Variants in FTCDNL1 observed in about 807,000 individuals in gnomAD.
FTCDNL1 encodes the protein formiminotransferase cyclodeaminase N-terminal like.
FTCDNL1 carries 11 observed loss-of-function variants against 5.9 expected under a neutral mutation model. The ratio of observed to expected loss-of-function variants is 1.87; its 90% CI spans 1.18 to 3.10. The LOEUF (loss-of-function observed/expected upper bound fraction) is 3.10. Among genes scored for constraint, FTCDNL1 ranks in the 30% most tolerant of loss-of-function variants. FTCDNL1 has a pLI of 0.00. For missense variants in FTCDNL1, 115 were observed against 65.5 expected (o/e 1.76, Z -2.61); for synonymous variants, 58 against 24.8 (o/e 2.34, Z -3.99).
At chr2:199,801,328 C>T (rs1216813134) in intron 3 of FTCDNL1, among the ~76,000 whole-genome samples, 2 of 152,174 alleles carry the variant, frequency 1.3e-5, no homozygotes, top group Non-Finnish European at 2.9e-5. Context: ...AGCCATATAA[C>T]TCACGGGGCC....
intron 4 of FTCDNL1, among the ~76,000 whole-genome samples, chr2:199,814,819 G>C (rs909876498): frequency 6.6e-6 from 1 of 152,270 alleles, no homozygotes; most frequent in Non-Finnish European, 1.5e-5. Context: ...ACCAGATAAA[G>C]TTTTGGTGTG....
the FTCDNL1 span, among the ~76,000 whole-genome samples, chr2:199,750,074 C>T: frequency 1.3e-5 from 2 of 151,584 alleles, no homozygotes; most frequent in Non-Finnish European, 2.9e-5. Flanking sequence ...AAAAAATAGG[C>T]TGAGTGCAGT....
chr2:199,754,112 A>G, the FTCDNL1 span, among the ~76,000 whole-genome samples: 1 of 152,184 alleles, frequency 6.6e-6, no homozygotes, highest in Non-Finnish European at 1.5e-5. Flanking sequence ...CGCAGCAGAG[A>G]CAGCAGAAGT....
chr2:199,686,622 G>T, the FTCDNL1 span, among the ~76,000 whole-genome samples: 1 of 152,252 alleles, frequency 6.6e-6, no homozygotes, highest in African/African-American at 2.4e-5. Flanking sequence ...CACTGCTAAA[G>T]TATGCTTTTG....
chr2:199,677,250 T>C, the FTCDNL1 span, among the ~76,000 whole-genome samples: 2 of 152,234 alleles, frequency 1.3e-5, no homozygotes, highest in Non-Finnish European at 2.9e-5. Context: ...GCTTTCACTT[T>C]GTGTTACAGA....
chr2:199,811,559 T>TA lies in FTCDNL1; in HGVS notation c.*1145dup, dbSNP rs1269001070. Among the ~76,000 whole-genome samples, 2 of 152,226 alleles carry TA rather than the reference T, an allele frequency of 1.3e-5. No individual in the cohort carries two copies. Among genetic ancestry groups the TA allele is most frequent in the East Asian group, 3.8e-4 (2 of 5,196 alleles). On this transcript the variant is annotated 3_prime_UTR_variant, in exon 5 of 5. Coordinates refer to ENST00000420128, the MANE Select transcript of FTCDNL1 (RefSeq NM_001363886.2). ...ACGCTTTGCTGTCCCATAGCTTTGA[T>TA]ATGCCCAGTCACATTCAGTTATTCA... is the stretch of plus-strand genomic sequence containing the variant.
chr2:199,799,394 T>A (rs1700331841), intron 3 of FTCDNL1, among the ~76,000 whole-genome samples: 1 of 152,206 alleles, frequency 6.6e-6, no homozygotes, highest in South Asian at 2.1e-4. Context: ...TGCATCTCTC[T>A]CAAGTTCTCC....
intron 3 of FTCDNL1, among the ~76,000 whole-genome samples, chr2:199,772,058 AAGC>A (rs1698839231): frequency 6.6e-6 from 1 of 152,218 alleles, no homozygotes; most frequent in Non-Finnish European, 1.5e-5. Context: ...GGCCATTATT[AAGC>A]AGAATAAGGG....
chr2:199,729,567 CAGAG>C, the FTCDNL1 span, among the ~76,000 whole-genome samples: 1 of 152,148 alleles, frequency 6.6e-6, no homozygotes, highest in African/African-American at 2.4e-5. Context: ...AACAGACAAA[CAGAG>C]AGCCAAATAA....
At chr2:199,741,640 A>G in the FTCDNL1 span, among the ~76,000 whole-genome samples, 1 of 152,160 alleles carries the variant, frequency 6.6e-6, no homozygotes, top group South Asian at 2.1e-4. Flanking sequence ...TTGTAATCCT[A>G]AATAAAATAT....
intron 3 of FTCDNL1, among the ~76,000 whole-genome samples, chr2:199,803,550 G>T (rs1034276734): frequency 8.5e-5 from 13 of 152,158 alleles, no homozygotes; most frequent in Admixed American, 4.6e-4. Context: ...CTGCAGCCTT[G>T]ATCTCTCAGG....
At chr2:199,808,832 G>A (rs773933533), downstream of FTCDNL1, among the ~76,000 whole-genome samples, 4 of 152,174 alleles carry the variant, frequency 2.6e-5, no homozygotes, top group South Asian at 2.1e-4. Flanking sequence ...GGGAGGGAAC[G>A]ATTTGTCCTA....
intron 1 of FTCDNL1, among the ~76,000 whole-genome samples, chr2:199,849,195 T>C (rs895096274): frequency 1.3e-5 from 2 of 152,158 alleles, no homozygotes; most frequent in Non-Finnish European, 2.9e-5. Flanking sequence ...CACTGGAAAA[T>C]ACCTGGCAGG....
At chr2:199,812,803 T>C (rs1305625419) in intron 4 of FTCDNL1, 79 bp from the exon 5 acceptor site, 54 of 649,302 alleles carry the variant, frequency 8.3e-5, no homozygotes, top group South Asian at 6.8e-4. Context: ...ATTCTAAATA[T>C]TGGTGTTTAC....
chr2:199,671,676 G>T, the FTCDNL1 span, among the ~76,000 whole-genome samples: 1 of 152,074 alleles, frequency 6.6e-6, no homozygotes, highest in South Asian at 2.1e-4. Context: ...CCTGCTAGCT[G>T]AGTGGTCCAT....
chr2:199,800,080 A>C (rs1403209570), intron 3 of FTCDNL1, among the ~76,000 whole-genome samples: 1 of 152,182 alleles, frequency 6.6e-6, no homozygotes, highest in African/African-American at 2.4e-5. Flanking sequence ...TAATTAGTTA[A>C]TTGTGATGTG....
chr2:199,706,343 A>G, the FTCDNL1 span, among the ~76,000 whole-genome samples: 1 of 152,162 alleles, frequency 6.6e-6, no homozygotes, highest in South Asian at 2.1e-4. Context: ...ATTCAAATAT[A>G]GGAATAATTG....
At chr2:199,739,635 AC>A in the FTCDNL1 span, among the ~76,000 whole-genome samples, 5 of 152,298 alleles carry the variant, frequency 3.3e-5, no homozygotes, top group South Asian at 1.0e-3. Context: ...GGTGACTACA[AC>A]AATCAAAACC....
At chr2:199,842,542 TA>T (rs2076619072) in intron 3 of FTCDNL1, among the ~76,000 whole-genome samples, 2 of 152,200 alleles carry the variant, frequency 1.3e-5, no homozygotes, top group African/African-American at 4.8e-5. Flanking sequence ...TGCACATGCG[TA>T]AAAACTTGCA....
Sources: gnomAD v4.1 joint callset for allele counts (sites outside exome capture counted in the v4.1 genomes callset) on GRCh38, gnomAD v4.1.1 for gene constraint, MANE v1.5 for transcripts, NCBI Gene and HGNC (gene_info 2026-07-23, HGNC 2026-07-21) for gene names.